The following CSMD1 variants were observed in gnomAD, a reference collection of about 807,000 sequenced individuals.
CSMD1 encodes CUB and Sushi multiple domains 1.
A neutral mutation model predicts 417.5 loss-of-function variants in CSMD1; 213 were observed. That is an observed-to-expected ratio of 0.51 (90% CI 0.46 to 0.57). The LOEUF (loss-of-function observed/expected upper bound fraction) is 0.57. CSMD1 is among the 20% of genes least tolerant of loss of function. The probability of loss-of-function intolerance (pLI) is 0.00; values close to 1 mark genes in which losing one functional copy is unlikely to be tolerated. For missense variants in CSMD1, 6,923 were observed against 4,529.7 expected, an observed-to-expected ratio of 1.53 and a Z score of -15.17; for synonymous variants, 2,862 against 1,736.8, an observed-to-expected ratio of 1.65 and a Z score of -16.11.
At chr8:4,188,720 A>T (rs576113482) in intron 3 of CSMD1, among the ~76,000 whole-genome samples, 1 of 152,302 alleles carries the variant, frequency 6.6e-6, no homozygotes, top group East Asian at 1.9e-4. Flanking sequence ...AAAACATAAT[A>T]AACAATTTTT....
At chr8:3,925,735 G>A (rs996235957) in intron 5 of CSMD1, among the ~76,000 whole-genome samples, 1 of 151,900 alleles carries the variant, frequency 6.6e-6, no homozygotes, top group Non-Finnish European at 1.5e-5. Context: ...TGATTCTGAG[G>A]CCTCCCCAGC....
chr8:3,865,855 C>T (rs77394241), intron 5 of CSMD1, among the ~76,000 whole-genome samples: 13 of 152,070 alleles, frequency 8.5e-5, no homozygotes, highest in African/African-American at 2.7e-4. Flanking sequence ...GCTGGAAACA[C>T]GTGTTATAGT....
At chr8:4,384,659 C>T (rs545356544) in intron 3 of CSMD1, among the ~76,000 whole-genome samples, 1 of 151,956 alleles carries the variant, frequency 6.6e-6, no homozygotes, top group African/African-American at 2.4e-5. Context: ...TTTCATATTC[C>T]CTCCAACATT....
chr8:3,341,909 G>T (rs1277923129), intron 23 of CSMD1, among the ~76,000 whole-genome samples: 1 of 152,124 alleles, frequency 6.6e-6, no homozygotes, highest in Non-Finnish European at 1.5e-5. Context: ...TCTCGACAGG[G>T]ACGAGAAGTG....
intron 49 of CSMD1, among the ~76,000 whole-genome samples, chr8:3,066,168 C>T (rs1348747384): frequency 1.3e-5 from 2 of 152,122 alleles, no homozygotes; most frequent in African/African-American, 2.4e-5. Flanking sequence ...GTTCTAGCAT[C>T]GTGTACAATT....
At position 3,927,597 on chromosome 8, in the gene CSMD1, G is replaced by A. The variant is rs925465212; in HGVS notation, c.818+70306C>T. On this transcript the variant is annotated intron_variant, in intron 5 of 69. Transcript: ENST00000635120. ...GGAGAATCGCTTGAAACTGGAAGGC[G>A]GAGGTTGCAGTGAGCCGACATCACG... Among the ~76,000 whole-genome samples the A allele has an allele frequency of 7.4e-5, 11 of 149,526 alleles. No homozygotes were observed. The East Asian group carries it at 9.6e-4, about 13-fold the overall frequency.
intron 2 of CSMD1, among the ~76,000 whole-genome samples, chr8:4,552,365 TAAGG>T (rs1373716323): frequency 6.6e-6 from 1 of 152,134 alleles, no homozygotes. Context: ...CTGTGAACTT[TAAGG>T]AAGAGCCTAC....
chr8:3,522,132 C>A (rs1797535004), intron 10 of CSMD1, among the ~76,000 whole-genome samples: 1 of 152,162 alleles, frequency 6.6e-6, no homozygotes, highest in Non-Finnish European at 1.5e-5. Flanking sequence ...ATTCTTTAAA[C>A]TACCACTCTG....
At chr8:4,233,726 T>C (rs57236306) in intron 3 of CSMD1, among the ~76,000 whole-genome samples, 64,769 of 152,010 alleles carry the variant, frequency 0.43, 14,494 homozygotes, top group East Asian at 0.71. Flanking sequence ...GACTAAGATA[T>C]TAATAAAATA....
intron 49 of CSMD1, among the ~76,000 whole-genome samples, chr8:3,083,096 CTTTTA>C (rs898957665): frequency 1.3e-5 from 2 of 151,988 alleles, no homozygotes; most frequent in Non-Finnish European, 2.9e-5. Context: ...TTTTTCTTTT[CTTTTA>C]TTTATTTTTA....
chr8:4,071,316 A>G (rs746669620), intron 3 of CSMD1, among the ~76,000 whole-genome samples: 2 of 152,106 alleles, frequency 1.3e-5, no homozygotes, highest in East Asian at 3.9e-4. Context: ...CTGATTAGAT[A>G]ATTTCCATTG....
chr8:4,622,752 A>C (rs1274787695), intron 2 of CSMD1, among the ~76,000 whole-genome samples: 3 of 152,126 alleles, frequency 2.0e-5, no homozygotes, highest in African/African-American at 7.2e-5. Context: ...TCCGTGCAAC[A>C]TTGTACTGAA....
intron 11 of CSMD1, among the ~76,000 whole-genome samples, chr8:3,492,020 G>T (rs916186627): frequency 1.3e-5 from 2 of 152,174 alleles, no homozygotes; most frequent in South Asian, 2.1e-4. Context: ...AAATGGGAGG[G>T]GTAGGAAGGG....
At chr8:3,661,531 T>TTA in intron 7 of CSMD1, among the ~76,000 whole-genome samples, 1 of 152,032 alleles carries the variant, frequency 6.6e-6, no homozygotes, top group South Asian at 2.1e-4. Flanking sequence ...GAGTCCCACT[T>TTA]TATCACCCAG....
chr8:4,819,542 C>T (rs1051103384), intron 1 of CSMD1, among the ~76,000 whole-genome samples: 1 of 152,218 alleles, frequency 6.6e-6, no homozygotes, highest in Middle Eastern at 3.4e-3. Flanking sequence ...GTGTTAGAAT[C>T]TCAAATTTTG....
chr8:3,087,189 G>T lies in CSMD1; in HGVS notation c.7382C>A (p.Pro2461His). The change falls in exon 49 of 70, where the codon CCT becomes CAT. Residue 2461 changes from proline (P) to histidine (H), a missense_variant. Physicochemically the swap from Pro to His is moderately conservative, Grantham distance 77. Transcript: ENST00000635120. ...VGSKVHYFCK[P>H]GYRMVGHSNA... ...GCTGTGGCCGACCATTCGGTATCCA[G>T]GCTTGCAAAAATAATGCACTTTGCT... The T allele has an allele frequency of 6.2e-7, 1 of 1,613,958 alleles. No individual in the cohort carries two copies. Among genetic ancestry groups the T allele is most frequent in the East Asian group, 2.2e-5 (1 of 44,878 alleles).
intron 11 of CSMD1, among the ~76,000 whole-genome samples, chr8:3,475,381 TTAAC>T (rs1817347308): frequency 3.9e-5 from 6 of 151,970 alleles, no homozygotes; most frequent in African/African-American, 1.5e-4. Flanking sequence ...AAAATATAAA[TTAAC>T]CTACACTGTA....
At chr8:4,070,239 T>C (rs533474500) in intron 3 of CSMD1, among the ~76,000 whole-genome samples, 1 of 152,342 alleles carries the variant, frequency 6.6e-6, no homozygotes, top group Non-Finnish European at 1.5e-5. Flanking sequence ...ATGCTTATCA[T>C]ATATATTACA....
At chr8:3,747,214 T>G (rs553469906) in intron 6 of CSMD1, among the ~76,000 whole-genome samples, 7 of 152,122 alleles carry the variant, frequency 4.6e-5, no homozygotes, top group Non-Finnish European at 7.4e-5. Context: ...GCCCTTAATC[T>G]CTCCATTTCT....
Sources: allele counts gnomAD v4.1 joint callset (sites outside exome capture counted in the v4.1 genomes callset), GRCh38; gene constraint gnomAD v4.1.1; transcripts MANE v1.5; gene names NCBI Gene and HGNC (gene_info 2026-07-23, HGNC 2026-07-21).